FOXN2: variants seen among roughly 807,000 people sequenced by gnomAD.
FOXN2 encodes forkhead box protein N2.
In FOXN2, 19 loss-of-function variants were observed where a neutral mutation model predicts 41.2. The observed-to-expected ratio is 0.46, with a 90% CI of 0.32 to 0.68. FOXN2 has a LOEUF of 0.68. Among genes scored for constraint, FOXN2 ranks in the 30% least tolerant of loss-of-function variants. The pLI is 0.03. For missense variants in FOXN2, 587 were observed against 509.4 expected (o/e 1.15, Z -1.47); for synonymous variants, 195 against 176.8 (o/e 1.10, Z -0.82).
intron 2 of FOXN2, among the ~76,000 whole-genome samples, chr2:48,339,460 G>C (rs1670594351): frequency 6.6e-6 from 1 of 152,118 alleles, no homozygotes. Context: ...GGACATTTTT[G>C]CTTCCCCTTC....
At chr2:48,341,873 T>A (rs1007075475) in intron 2 of FOXN2, among the ~76,000 whole-genome samples, 2 of 152,240 alleles carry the variant, frequency 1.3e-5, no homozygotes, top group Admixed American at 1.3e-4. Flanking sequence ...ATTCCCTTAT[T>A]TACCAATGGG....
intron 1 of FOXN2, among the ~76,000 whole-genome samples, chr2:48,322,021 T>A (rs1351764176): frequency 6.6e-6 from 1 of 152,210 alleles, no homozygotes; most frequent in Non-Finnish European, 1.5e-5. Flanking sequence ...TGATCTCGGC[T>A]TATTGCAATC....
At chr2:48,366,265 A>G (rs1199447214) in intron 5 of FOXN2, among the ~76,000 whole-genome samples, 1 of 151,934 alleles carries the variant, frequency 6.6e-6, no homozygotes, top group Admixed American at 6.6e-5. Flanking sequence ...AGGCTGAGGC[A>G]GGAGAATCAC....
intron 5 of FOXN2, among the ~76,000 whole-genome samples, chr2:48,367,865 G>C (rs796999567): frequency 1.3e-5 from 2 of 152,066 alleles, no homozygotes; most frequent in East Asian, 1.9e-4. Context: ...TTTTTGAAAT[G>C]GTGTCTCGCT....
chr2:48,326,606 A>G (rs969809921), intron 1 of FOXN2, among the ~76,000 whole-genome samples: 2 of 152,198 alleles, frequency 1.3e-5, no homozygotes, highest in East Asian at 1.9e-4. Context: ...CTGGTTGAGC[A>G]TCACTAATGC....
intron 2 of FOXN2, among the ~76,000 whole-genome samples, chr2:48,337,845 G>A (rs992458967): frequency 6.6e-6 from 1 of 152,008 alleles, no homozygotes; most frequent in East Asian, 1.9e-4. Flanking sequence ...ATTAACAGAT[G>A]TACAAGGAAA....
chr2:48,319,156 T>TC (rs1450002021), intron 1 of FOXN2, among the ~76,000 whole-genome samples: 1 of 151,904 alleles, frequency 6.6e-6, no homozygotes, highest in Non-Finnish European at 1.5e-5. Flanking sequence ...CAAAAGCCTT[T>TC]TTTTTTTTTC....
At chr2:48,343,053 G>A (rs534493789) in intron 2 of FOXN2, among the ~76,000 whole-genome samples, 6 of 152,190 alleles carry the variant, frequency 3.9e-5, no homozygotes, top group East Asian at 1.9e-4. Flanking sequence ...AGTATGTTAC[G>A]TTAATAAAAC....
chr2:48,330,520 T>C (rs1669960071), intron 2 of FOXN2, among the ~76,000 whole-genome samples: 1 of 152,218 alleles, frequency 6.6e-6, no homozygotes, highest in Non-Finnish European at 1.5e-5. Flanking sequence ...TTCTCTTTAC[T>C]AGGGTTATCT....
In FOXN2 at chr2:48,324,475, A is replaced by T. The variant is rs575879864; in HGVS notation, c.-156-4086A>T. ...TCCCAAAGTGCTTGGACCAGTAAAT[A>T]TTTTAATGAATATCATATTTCATCC... On this transcript the variant is annotated intron_variant, in intron 1 of 6. Transcript: ENST00000340553. Among the ~76,000 whole-genome samples, 8 of 152,246 alleles carry T rather than the reference A, an allele frequency of 5.3e-5. No homozygotes were observed. In the East Asian group the frequency reaches 1.5e-3, roughly 29 times the overall value.
chr2:48,352,166 A>G (rs1299416517), intron 3 of FOXN2, among the ~76,000 whole-genome samples: 3 of 152,144 alleles, frequency 2.0e-5, no homozygotes, highest in South Asian at 2.1e-4. Context: ...TGATAGGGCA[A>G]TATATTACCT....
At chr2:48,338,095 T>C (rs1016867811) in intron 2 of FOXN2, among the ~76,000 whole-genome samples, 1 of 152,308 alleles carries the variant, frequency 6.6e-6, no homozygotes, top group East Asian at 1.9e-4. Context: ...TTTCAGAGAA[T>C]TGATACCCTA....
chr2:48,360,773 T>G (rs1672119404), intron 4 of FOXN2, among the ~76,000 whole-genome samples: 1 of 151,912 alleles, frequency 6.6e-6, no homozygotes, highest in Non-Finnish European at 1.5e-5. Flanking sequence ...CCTATGTGTT[T>G]TACTTAGCTG....
upstream of FOXN2, among the ~76,000 whole-genome samples, chr2:48,314,205 C>G (rs1287881161): frequency 6.6e-6 from 1 of 152,262 alleles, no homozygotes; most frequent in Admixed American, 6.5e-5. Flanking sequence ...CTCCTCAGCC[C>G]GGGCACAGGC....
intron 2 of FOXN2, among the ~76,000 whole-genome samples, chr2:48,340,980 G>T (rs558261978): frequency 1.3e-5 from 2 of 152,050 alleles, no homozygotes; most frequent in African/African-American, 4.8e-5. Context: ...TTAGAAATTC[G>T]TTTATTAGTG....
At chr2:48,359,968 A>G (rs1009914310) in intron 4 of FOXN2, among the ~76,000 whole-genome samples, 1 of 152,116 alleles carries the variant, frequency 6.6e-6, no homozygotes, top group Non-Finnish European at 1.5e-5. Context: ...GTAGTACTTA[A>G]TATTTGAAAA....
At chr2:48,359,678 G>C (rs1672049161) in intron 4 of FOXN2, among the ~76,000 whole-genome samples, 1 of 151,448 alleles carries the variant, frequency 6.6e-6, no homozygotes, top group East Asian at 1.9e-4. Context: ...TTTCCTTATG[G>C]TCTAATTTGT....
At chr2:48,358,124 T>C (rs891781359) in intron 3 of FOXN2, among the ~76,000 whole-genome samples, 1 of 152,168 alleles carries the variant, frequency 6.6e-6, no homozygotes, top group Non-Finnish European at 1.5e-5. Context: ...CGTTTTTTTT[T>C]ACCACCTAAC....
chr2:48,345,977 C>G lies in FOXN2; in HGVS notation c.-14-224C>G, dbSNP rs567024405. Among the ~76,000 whole-genome samples, 10 of 152,196 alleles carry G rather than the reference C, an allele frequency of 6.6e-5. No individual in the cohort carries two copies. The South Asian group carries it at 2.1e-3, about 32-fold the overall frequency. On this transcript the variant is annotated intron_variant, in intron 2 of 6. Coordinates refer to ENST00000340553, the MANE Select transcript of FOXN2 (RefSeq NM_002158.4). ...TGTTAATATCACCCATACACCTGGT[C>G]CTATAAAGCTGCACTTTATTTACAG... is the stretch of plus-strand genomic sequence containing the variant.
Sources: allele counts gnomAD v4.1 joint callset (sites outside exome capture counted in the v4.1 genomes callset), GRCh38; gene constraint gnomAD v4.1.1; transcripts MANE v1.5; gene names NCBI Gene and HGNC (gene_info 2026-07-23, HGNC 2026-07-21).